The following CERS6 variants were observed in gnomAD, a reference collection of about 807,000 sequenced individuals.
The protein encoded by CERS6 is LAG1 homolog, ceramide synthase 6.
CERS6 carries 26 observed loss-of-function variants against 56.8 expected under a neutral mutation model. The ratio of observed to expected loss-of-function variants is 0.46; its 90% CI spans 0.34 to 0.63. CERS6 has a LOEUF of 0.63. Among genes scored for constraint, CERS6 ranks in the 30% least tolerant of loss-of-function variants. The probability of loss-of-function intolerance (pLI) is 0.01; values close to 1 mark genes in which losing one functional copy is unlikely to be tolerated. For missense variants in CERS6, 415 were observed against 467.5 expected, an observed-to-expected ratio of 0.89 and a Z score of 1.04; for synonymous variants, 164 against 173.3, an observed-to-expected ratio of 0.95 and a Z score of 0.42.
intron 3 of CERS6, among the ~76,000 whole-genome samples, chr2:168,565,873 CAT>C (rs1695874919): frequency 1.3e-5 from 2 of 152,150 alleles, no homozygotes; most frequent in Admixed American, 6.5e-5. Flanking sequence ...AATGAGATGT[CAT>C]GTGAGACATT....
intron 1 of CERS6, among the ~76,000 whole-genome samples, chr2:168,519,013 G>A (rs1019043659): frequency 6.6e-6 from 1 of 152,114 alleles, no homozygotes; most frequent in African/African-American, 2.4e-5. Context: ...TCAGTGCCCC[G>A]GTCCCACTTG....
chr2:168,617,579 G>T (rs1045174878), intron 3 of CERS6, among the ~76,000 whole-genome samples: 2 of 152,000 alleles, frequency 1.3e-5, no homozygotes, highest in Non-Finnish European at 2.9e-5. Flanking sequence ...AAATACAAAA[G>T]ATCATTCAAG....
chr2:168,500,994 G>C (rs186365234), intron 1 of CERS6, among the ~76,000 whole-genome samples: 2 of 152,310 alleles, frequency 1.3e-5, no homozygotes, highest in South Asian at 2.1e-4. Flanking sequence ...AGAAGATGGT[G>C]GTGGGTATTT....
At position 168,774,529 on chromosome 2, in the gene CERS6, G is replaced by A. The variant is rs977695379; in HGVS notation, c.*4867G>A. 3 of 151,970 alleles carry A rather than the reference G, an allele frequency of 2.0e-5. No individual in the cohort carries two copies. The highest frequency in any genetic ancestry group is 7.3e-5 in the African/African-American group (3 of 41,350). 9.4% of individuals were successfully genotyped at this position (151,970 alleles called of 1,614,324 possible). On this transcript the variant is annotated 3_prime_UTR_variant, in exon 10 of 10. Coordinates refer to ENST00000305747, the MANE Select transcript of CERS6 (RefSeq NM_203463.3). The stretch of plus-strand genomic sequence containing the variant: ...ACCAGGGAGCAGCAACTATTGAGAT[G>A]GTTTCTGTGTTCAGTGAAAAATTCT...
chr2:168,613,510 A>T (rs747490554), intron 3 of CERS6, among the ~76,000 whole-genome samples: 4 of 152,194 alleles, frequency 2.6e-5, no homozygotes, highest in Admixed American at 2.0e-4. Flanking sequence ...AGTTGTGTCA[A>T]ATATTGCAGG....
Position 168,770,810 on chromosome 2 carries a change from T to C in CERS6, c.*1148T>C, listed in dbSNP as rs191596117. On this transcript the variant is annotated 3_prime_UTR_variant, in exon 10 of 10. Coordinates refer to ENST00000305747, the MANE Select transcript of CERS6 (RefSeq NM_203463.3). ...TCCTTAAACGTAATCCAGATGACTTTCCTGTTACTAAACACTGAGCAGCAT... is the reference window on the plus strand; with the variant it reads ...TCCTTAAACGTAATCCAGATGACTTCCCTGTTACTAAACACTGAGCAGCAT... 6.6e-6 allele frequency: 1 copy of C among 152,572 alleles called. No individual in the cohort carries two copies. The highest frequency in any genetic ancestry group is 1.5e-5 in the Non-Finnish European group (1 of 68,026). The allele number at this position is 152,572 out of a possible 1,614,324, so 9.5% of individuals were successfully genotyped here. A position where few individuals can be genotyped will look rare whatever the true frequency, so the allele number is the denominator to read the frequency against.
intron 1 of CERS6, among the ~76,000 whole-genome samples, chr2:168,517,934 G>T (rs531678536): frequency 1.3e-5 from 2 of 152,144 alleles, no homozygotes; most frequent in Non-Finnish European, 2.9e-5. Context: ...ATTAAGATGC[G>T]TGCCCTTAAT....
At chr2:168,547,986 G>A (rs1381016473) in intron 2 of CERS6, among the ~76,000 whole-genome samples, 3 of 152,202 alleles carry the variant, frequency 2.0e-5, no homozygotes, top group African/African-American at 7.2e-5. Flanking sequence ...CACATGTGAA[G>A]CAAGATGTGA....
chr2:168,718,682 C>T lies in CERS6; in HGVS notation c.845+704C>T, dbSNP rs532090602. Among the ~76,000 whole-genome samples, 47 of 152,342 alleles carry T rather than the reference C, an allele frequency of 3.1e-4. No individual in the cohort carries two copies. In the South Asian group the frequency reaches 4.3e-3, roughly 14 times the overall value. ...AAACGTTGACCAAGAGGGATTCCTG[C>T]TCCACCCCTGAAGAATTTCTTTAGG... On this transcript the variant is annotated intron_variant, in intron 8 of 9. Transcript: ENST00000305747.
intron 1 of CERS6, among the ~76,000 whole-genome samples, chr2:168,546,414 T>C (rs1210993998): frequency 2.0e-5 from 3 of 152,212 alleles, no homozygotes; most frequent in Non-Finnish European, 2.9e-5. Context: ...CTCTGTCTTA[T>C]CTTTCCTGGT....
At chr2:168,682,533 G>C (rs909770785) in intron 4 of CERS6, among the ~76,000 whole-genome samples, 3 of 152,246 alleles carry the variant, frequency 2.0e-5, no homozygotes, top group Non-Finnish European at 2.9e-5. Context: ...CATAGCGGTA[G>C]TGAGCAGTTG....
intron 4 of CERS6, among the ~76,000 whole-genome samples, chr2:168,683,680 T>C (rs1686273591): frequency 6.6e-6 from 1 of 152,204 alleles, no homozygotes; most frequent in Non-Finnish European, 1.5e-5. Flanking sequence ...GGTCTCTTTC[T>C]CCCTAATTCC....
intron 1 of CERS6, among the ~76,000 whole-genome samples, chr2:168,538,852 A>G (rs1338548323): frequency 6.6e-6 from 1 of 152,258 alleles, no homozygotes; most frequent in African/African-American, 2.4e-5. Context: ...ATTGTCTTAG[A>G]TAAATACCTA....
At chr2:168,539,643 A>C (rs1258058294) in intron 1 of CERS6, among the ~76,000 whole-genome samples, 1 of 152,218 alleles carries the variant, frequency 6.6e-6, no homozygotes, top group Non-Finnish European at 1.5e-5. Flanking sequence ...ATGCACCTGC[A>C]TATTAGCTTT....
At position 168,769,718 on chromosome 2, in the gene CERS6, A is replaced by C; in HGVS notation, c.*56A>C. The stretch of plus-strand genomic sequence containing the variant: ...GAACTATTTGTTCCTGGAAGTATTT[A>C]ATAAGTTGCAAATGCAGTTCCTTTC... On this transcript the variant is annotated 3_prime_UTR_variant, in exon 10 of 10. Transcript: ENST00000305747. 1 of 1,562,552 alleles carries C rather than the reference A, an allele frequency of 6.4e-7. No individual in the cohort carries two copies. The highest frequency in any genetic ancestry group is 1.9e-5 in the Admixed American group (1 of 52,434).
At chr2:168,578,850 T>G (rs1683340653) in intron 3 of CERS6, among the ~76,000 whole-genome samples, 1 of 152,160 alleles carries the variant, frequency 6.6e-6, no homozygotes, top group South Asian at 2.1e-4. Flanking sequence ...ATCCTCGGCC[T>G]CTGATAATTA....
At chr2:168,662,200 A>G (rs1685649279) in intron 4 of CERS6, among the ~76,000 whole-genome samples, 1 of 148,648 alleles carries the variant, frequency 6.7e-6, no homozygotes, top group South Asian at 2.1e-4. Flanking sequence ...ATTTTTGCTA[A>G]TTGGAATATA....
intron 4 of CERS6, among the ~76,000 whole-genome samples, chr2:168,664,132 C>T (rs1223848803): frequency 6.6e-6 from 1 of 152,218 alleles, no homozygotes; most frequent in African/African-American, 2.4e-5. Context: ...TTCTTAGCTG[C>T]ACACTCAGCT....
intron 3 of CERS6, 81 bp from the exon 4 acceptor site, chr2:168,630,904 C>A: frequency 1.6e-6 from 1 of 615,770 alleles, no homozygotes. Flanking sequence ...TTAATGAACT[C>A]TTTTCCCTCC....
Sources: gnomAD v4.1 joint callset for allele counts (sites outside exome capture counted in the v4.1 genomes callset) on GRCh38, gnomAD v4.1.1 for gene constraint, MANE v1.5 for transcripts, NCBI Gene and HGNC (gene_info 2026-07-23, HGNC 2026-07-21) for gene names.